The following OPTN variants were observed in gnomAD, a reference collection of about 807,000 sequenced individuals.
OPTN encodes the protein E3-14.7K-interacting protein.
Under a neutral mutation model 70.4 loss-of-function variants are expected in OPTN, and 54 were observed. The ratio of observed to expected loss-of-function variants is 0.77; its 90% CI spans 0.62 to 0.96. The LOEUF (loss-of-function observed/expected upper bound fraction) is 0.96, where lower values mean the gene tolerates loss of function less well. OPTN is among the 40% of genes least tolerant of loss of function. The pLI, the probability that OPTN is intolerant of heterozygous loss-of-function variation, is 0.00. For synonymous variants in OPTN, 256 were observed against 248.5 expected (o/e 1.03, Z -0.28); for missense variants, 624 against 673.2 (o/e 0.93, Z 0.81).
intron 5 of OPTN, among the ~76,000 whole-genome samples, chr10:13,114,759 TGC>T (rs1440620942): frequency 3.0e-5 from 2 of 65,924 alleles, no homozygotes; most frequent in Non-Finnish European, 5.8e-5. Context: ...ATTATATAAT[TGC>T]ATATATAATT....
chr10:13,132,316 C>T (rs1833610629), intron 13 of OPTN, 119 bp downstream of exon 13: 1 of 1,042,880 alleles, frequency 9.6e-7, no homozygotes, highest in Admixed American at 2.1e-5. Flanking sequence ...CCACTGCACT[C>T]CTGCCTAGGT....
chr10:13,129,552 C>A (rs1267482453), intron 12 of OPTN, among the ~76,000 whole-genome samples: 1 of 144,028 alleles, frequency 6.9e-6, no homozygotes, highest in Non-Finnish European at 1.5e-5. Flanking sequence ...GGAGTTTCAC[C>A]ACGTTAGCCA....
chr10:13,111,844 G>GTTTTTTTT (rs34942122), intron 4 of OPTN, among the ~76,000 whole-genome samples: 5 of 87,730 alleles, frequency 5.7e-5, no homozygotes, highest in South Asian at 4.3e-4. Flanking sequence ...TTTTTTGACT[G>GTTTTTTTT]TTTTTTTTTT....
At chr10:13,107,550 T>C (rs1015480494) in intron 1 of OPTN, among the ~76,000 whole-genome samples, 1 of 151,378 alleles carries the variant, frequency 6.6e-6, no homozygotes, top group African/African-American at 2.4e-5. Flanking sequence ...GGCTAATTTT[T>C]TGTATTTTTT....
At chr10:13,125,058 AC>A (rs1349152958) in intron 9 of OPTN, among the ~76,000 whole-genome samples, 4 of 151,982 alleles carry the variant, frequency 2.6e-5, no homozygotes, top group Non-Finnish European at 5.9e-5. Flanking sequence ...AGAACCTATA[AC>A]TTTTTTTTTA....
At chr10:13,112,344 A>C in intron 4 of OPTN, 109 bp from the exon 5 acceptor site, 1 of 1,055,154 alleles carries the variant, frequency 9.5e-7, no homozygotes, top group Non-Finnish European at 1.4e-6. Context: ...CCTGGCCTCA[A>C]GGGATCCTCC....
At chr10:13,101,733 C>T (rs1193462102) in intron 1 of OPTN, among the ~76,000 whole-genome samples, 3 of 152,084 alleles carry the variant, frequency 2.0e-5, no homozygotes, top group Non-Finnish European at 4.4e-5. Context: ...ACCCAGATGG[C>T]TTTGCAGTGA....
chr10:13,121,548 G>C (rs1833352511), intron 7 of OPTN, among the ~76,000 whole-genome samples: 1 of 146,762 alleles, frequency 6.8e-6, no homozygotes, highest in Admixed American at 6.8e-5. Context: ...GAAATGGAGA[G>C]AGCAGGCATC....
At chr10:13,116,906 T>G (rs1255087535) in intron 6 of OPTN, among the ~76,000 whole-genome samples, 1 of 152,054 alleles carries the variant, frequency 6.6e-6, no homozygotes, top group Non-Finnish European at 1.5e-5. Context: ...ACAGACATCT[T>G]AAATAGTGGC....
intron 7 of OPTN, among the ~76,000 whole-genome samples, chr10:13,120,354 T>C (rs1020259535): frequency 5.9e-5 from 9 of 152,278 alleles, no homozygotes; most frequent in African/African-American, 2.2e-4. Context: ...TTGCAGCACA[T>C]TTGTTTTTAT....
intron 1 of OPTN, among the ~76,000 whole-genome samples, chr10:13,106,516 T>C (rs1037985910): frequency 6.6e-6 from 1 of 152,220 alleles, no homozygotes; most frequent in African/African-American, 2.4e-5. Context: ...CTTCGTAAGA[T>C]TGCCATCACC....
rs376057320 is a variant in OPTN, at chr10:13,125,496, A to G, written c.1077A>G (p.Lys359=). The change falls in exon 10 of 15, where the codon AAA becomes AAG. Residue 359 remains lysine, a synonymous_variant. Coordinates refer to ENST00000378747, the MANE Select transcript of OPTN (RefSeq NM_001008212.2). The part of the protein sequence containing the change: ...NEKQELVYTN[K]KLELQVESML... ...AGCAAGAGCTTGTTTATACTAACAA[A>G]AAGTTAGAGCTACAAGTGGAAAGCA... The G allele has an allele frequency of 8.1e-6, 13 of 1,614,194 alleles. No individual in the cohort carries two copies. The Middle Eastern group carries it at 4.9e-4, about 61-fold the overall frequency.
rs1832969095 is a variant in OPTN, at chr10:13,110,376, G to A, written c.269G>A (p.Ser90Asn). Residue 90 changes from serine to asparagine, a missense_variant, in exon 4 of 15, where the codon AGC becomes AAC. Coordinates refer to ENST00000378747, the MANE Select transcript of OPTN (RefSeq NM_001008212.2). ...KEERQFFEIQ[S>N]KEAKERLMAL... Reference sequence around the variant, plus strand: ...GAACGCCAGTTTTTTGAGATACAGAGCAAAGAAGCAAAAGAGCGTCTAATG... The same window carrying A: ...GAACGCCAGTTTTTTGAGATACAGAACAAAGAAGCAAAAGAGCGTCTAATG... 6.2e-7 allele frequency: 1 copy of A among 1,613,990 alleles called. No homozygotes were observed. Among genetic ancestry groups the A allele is most frequent in the African/African-American group, 1.3e-5 (1 of 74,906 alleles).
chr10:13,124,541 T>C (rs993337098), intron 9 of OPTN, among the ~76,000 whole-genome samples: 1 of 152,246 alleles, frequency 6.6e-6, no homozygotes, highest in African/African-American at 2.4e-5. Flanking sequence ...CAGGCTAACA[T>C]GTAGATTGAG....
At chr10:13,119,190 T>C (rs1833287612) in intron 7 of OPTN, 150 bp downstream of exon 7, 6 of 779,734 alleles carry the variant, frequency 7.7e-6, no homozygotes, top group Non-Finnish European at 1.0e-5. Context: ...TACTACAATA[T>C]AATTTTAGAA....
intron 5 of OPTN, among the ~76,000 whole-genome samples, chr10:13,115,759 G>T (rs1207094281): frequency 6.6e-6 from 1 of 150,700 alleles, no homozygotes; most frequent in African/African-American, 2.4e-5. Flanking sequence ...AGACTATCTT[G>T]TTCCCTAAGT....
chr10:13,124,051 T>G lies in OPTN; in HGVS notation c.939T>G (p.Leu313=), dbSNP rs1564364394. Residue 313 remains leucine, a synonymous_variant, in exon 9 of 15, where the codon CTT becomes CTG. Coordinates refer to ENST00000378747, the MANE Select transcript of OPTN (RefSeq NM_001008212.2). ...NLQVTSLFKE[L]QEAHTKLSEA... is the part of the protein sequence containing the mutation. ...AGGTGACATCTCTGTTTAAGGAGCT[T>G]CAAGAGGCTCATACAAAACTCAGCG... 1 of 1,613,900 alleles carries G rather than the reference T, an allele frequency of 6.2e-7. No individual in the cohort carries two copies. The highest frequency in any genetic ancestry group is 2.2e-5 in the East Asian group (1 of 44,858).
Position 13,136,376 on chromosome 10 carries a change from C to T in OPTN, c.1613-369C>T, listed in dbSNP as rs554283607. ...TACAAAAATTAGCTGGGCGTGGTGG[C>T]GCGCACCTGTGATCCCAGCTACTCA... On this transcript the variant is annotated intron_variant, in intron 14 of 14. Transcript: ENST00000378747. Among the ~76,000 whole-genome samples, 145 of 151,746 alleles carry T rather than the reference C, an allele frequency of 9.6e-4. 1 individual carries two copies. Among genetic ancestry groups the T allele is most frequent in the Non-Finnish European group, 2.8e-4 (19 of 67,916 alleles).
intron 4 of OPTN, among the ~76,000 whole-genome samples, chr10:13,111,598 T>G (rs142427015): frequency 1.2e-3 from 181 of 151,986 alleles, no homozygotes; most frequent in Non-Finnish European, 2.3e-3. Flanking sequence ...CTTGGGAGGC[T>G]AAGGCAGGAG....
Sources: allele counts gnomAD v4.1 joint callset (sites outside exome capture counted in the v4.1 genomes callset), GRCh38; gene constraint gnomAD v4.1.1; transcripts MANE v1.5; gene names NCBI Gene and HGNC (gene_info 2026-07-23, HGNC 2026-07-21).